BTBD9: variants seen among roughly 807,000 people sequenced by gnomAD.
The protein encoded by BTBD9 is BTB/POZ domain-containing protein 9.
Under a neutral mutation model 64.3 loss-of-function variants are expected in BTBD9, and 49 were observed. The observed-to-expected ratio is 0.76, with a 90% CI of 0.61 to 0.97. The LOEUF is 0.97. BTBD9 is among the 50% of genes least tolerant of loss of function. The pLI is 0.00. For synonymous variants in BTBD9, 260 were observed against 274.7 expected (o/e 0.95, Z 0.53); for missense variants, 598 against 762.1 (o/e 0.78, Z 2.53).
rs1219845716 is a variant in BTBD9 at position 38,458,873 on chromosome 6, CA to C, written c.1155-113781del. ...GAATACACAAAAAATTTAAGTATGACAAAAAAAGGCCATTTTATGAGCATCT... is the reference window on the plus strand; with the variant it reads ...GAATACACAAAAAATTTAAGTATGACAAAAAAGGCCATTTTATGAGCATCT... On this transcript the variant is annotated intron_variant, in intron 6 of 10. Coordinates refer to ENST00000481247, the MANE Select transcript of BTBD9 (RefSeq NM_001099272.2). Among the ~76,000 whole-genome samples the C allele has an allele frequency of 3.3e-5, 5 of 151,862 alleles. 1 individual carries two copies. The highest frequency in any genetic ancestry group is 3.4e-3 in the Middle Eastern group (1 of 294).
At chr6:38,294,708 G>T (rs1762095129) in intron 7 of BTBD9, among the ~76,000 whole-genome samples, 1 of 152,030 alleles carries the variant, frequency 6.6e-6, no homozygotes, top group Admixed American at 6.5e-5. Flanking sequence ...TGTAGATGAT[G>T]GGTTGATGGG....
intron 6 of BTBD9, among the ~76,000 whole-genome samples, chr6:38,456,678 C>T (rs1044781677): frequency 6.6e-6 from 1 of 152,004 alleles, no homozygotes; most frequent in African/African-American, 2.4e-5. Flanking sequence ...CAAATATTTG[C>T]CCTCTTTTCT....
chr6:38,371,969 A>T (rs1765447143), intron 6 of BTBD9, among the ~76,000 whole-genome samples: 1 of 152,220 alleles, frequency 6.6e-6, no homozygotes, highest in Non-Finnish European at 1.5e-5. Context: ...CAAATAAAAC[A>T]GTGGAAGGCA....
At chr6:38,283,637 T>G (rs907924925) in intron 8 of BTBD9, among the ~76,000 whole-genome samples, 1 of 152,154 alleles carries the variant, frequency 6.6e-6, no homozygotes, top group African/African-American at 2.4e-5. Flanking sequence ...GCCTCTGTAG[T>G]CACCAAATAT....
At position 38,294,978 on chromosome 6, in the gene BTBD9, T is replaced by C. The variant is rs182454849; in HGVS notation, c.1265-6517A>G. On this transcript the variant is annotated intron_variant, in intron 7 of 10. Coordinates refer to ENST00000481247, the MANE Select transcript of BTBD9 (RefSeq NM_001099272.2). ...TTAGGTGAAGTTGAACATTTTTTTT[T>C]CTCTTTTTTTCCCTCTGGAATCATT... is the stretch of plus-strand genomic sequence containing the variant. Among the ~76,000 whole-genome samples the C allele has an allele frequency of 8.0e-4, 122 of 152,208 alleles. 2 individuals carry two copies. In the East Asian group the frequency reaches 9.6e-3, roughly 12 times the overall value.
intron 10 of BTBD9, among the ~76,000 whole-genome samples, chr6:38,177,983 C>T (rs558591399): frequency 2.8e-4 from 42 of 151,946 alleles, no homozygotes; most frequent in African/African-American, 1.0e-3. Context: ...ACCCTGGAAG[C>T]CCCTGGAAGC....
chr6:38,210,032 C>A (rs946093419), intron 9 of BTBD9, among the ~76,000 whole-genome samples: 1 of 152,098 alleles, frequency 6.6e-6, no homozygotes, highest in African/African-American at 2.4e-5. Flanking sequence ...AGGGATGTGT[C>A]CCAGGGGCGT....
At chr6:38,247,938 AT>A (rs889148532) in intron 9 of BTBD9, among the ~76,000 whole-genome samples, 36 of 151,212 alleles carry the variant, frequency 2.4e-4, no homozygotes, top group African/African-American at 5.6e-4. Context: ...CAAAAAAAAA[AT>A]TTTTTTTTTC....
intron 6 of BTBD9, among the ~76,000 whole-genome samples, chr6:38,521,395 T>A (rs1000437812): frequency 2.6e-5 from 4 of 152,364 alleles, no homozygotes; most frequent in African/African-American, 9.6e-5. Flanking sequence ...GCTTTTCTAC[T>A]TTAATACAGG....
At chr6:38,409,176 G>C (rs1767299626) in intron 6 of BTBD9, among the ~76,000 whole-genome samples, 1 of 152,160 alleles carries the variant, frequency 6.6e-6, no homozygotes, top group Admixed American at 6.5e-5. Context: ...CTTGAACTAG[G>C]GAGGTGGAGG....
chr6:38,468,788 T>C (rs1770509051), intron 6 of BTBD9, among the ~76,000 whole-genome samples: 1 of 152,172 alleles, frequency 6.6e-6, no homozygotes, highest in Admixed American at 6.5e-5. Flanking sequence ...ATCACAACCT[T>C]AGAATATAAA....
chr6:38,475,292 C>T (rs1770828329), intron 6 of BTBD9, among the ~76,000 whole-genome samples: 1 of 152,098 alleles, frequency 6.6e-6, no homozygotes, highest in African/African-American at 2.4e-5. Context: ...AATAGTAATA[C>T]TTATATTCTC....
At chr6:38,611,819 C>T (rs1777627085) in intron 1 of BTBD9, among the ~76,000 whole-genome samples, 1 of 152,140 alleles carries the variant, frequency 6.6e-6, no homozygotes, top group Non-Finnish European at 1.5e-5. Context: ...ACTTTACTAA[C>T]CAAGGTTATA....
intron 6 of BTBD9, among the ~76,000 whole-genome samples, chr6:38,500,208 T>C (rs1298186026): frequency 1.3e-5 from 2 of 150,654 alleles, no homozygotes; most frequent in Non-Finnish European, 3.0e-5. Context: ...CAATAACAAA[T>C]TGTATTTTCC....
intron 8 of BTBD9, among the ~76,000 whole-genome samples, chr6:38,265,693 AT>A (rs1037002760): frequency 2.0e-5 from 3 of 151,722 alleles, no homozygotes; most frequent in Non-Finnish European, 4.4e-5. Context: ...AATTTTTTGT[AT>A]TTTTTTGTAG....
intron 4 of BTBD9, chr6:38,587,939 T>TGAACA: frequency 1.4e-6 from 1 of 724,940 alleles, no homozygotes; most frequent in South Asian, 1.4e-5. Flanking sequence ...TGCAGAAGAC[T>TGAACA]GTTCAGGAAC....
intron 1 of BTBD9, among the ~76,000 whole-genome samples, chr6:38,610,761 T>C (rs958877185): frequency 6.6e-6 from 1 of 152,198 alleles, no homozygotes; most frequent in Admixed American, 6.5e-5. Flanking sequence ...TGTTCTCATA[T>C]ACTGTTGTAA....
chr6:38,594,401 A>G, intron 2 of BTBD9, 74 bp from the exon 3 acceptor site: 2 of 1,469,996 alleles, frequency 1.4e-6, no homozygotes, highest in South Asian at 1.4e-5. Context: ...AATAACAGTT[A>G]TCAACATTAT....
At chr6:38,544,958 A>G (rs1774465352) in intron 6 of BTBD9, among the ~76,000 whole-genome samples, 1 of 140,214 alleles carries the variant, frequency 7.1e-6, no homozygotes, top group Non-Finnish European at 1.5e-5. Context: ...AAAAAAAAAG[A>G]AGACTGATAA....
Sources: gnomAD v4.1 joint callset for allele counts (sites outside exome capture counted in the v4.1 genomes callset) on GRCh38, gnomAD v4.1.1 for gene constraint, MANE v1.5 for transcripts, NCBI Gene and HGNC (gene_info 2026-07-23, HGNC 2026-07-21) for gene names.